The following BRINP1 variants were observed in gnomAD, a reference collection of about 807,000 sequenced individuals.
The protein encoded by BRINP1 is BMP/retinoic acid-inducible neural-specific protein 1.
A neutral mutation model predicts 72.9 loss-of-function variants in BRINP1; 17 were observed. The ratio of observed to expected loss-of-function variants is 0.23; its 90% CI spans 0.16 to 0.35. The LOEUF is 0.35. Ranked by LOEUF, BRINP1 falls within the 10% of genes least tolerant of loss-of-function variation. BRINP1 has a pLI of 1.00. For missense variants in BRINP1, 850 were observed against 1,001.6 expected (o/e 0.85, Z 2.04); for synonymous variants, 418 against 378.5 (o/e 1.10, Z -1.21).
chr9:119,217,675 C>T (rs1588167530), intron 5 of BRINP1, among the ~76,000 whole-genome samples: 3 of 152,262 alleles, frequency 2.0e-5, no homozygotes, highest in Admixed American at 2.0e-4. Context: ...AATTCACCTT[C>T]GACAGGTGCA....
At chr9:119,350,174 G>C (rs1831492499) in intron 1 of BRINP1, among the ~76,000 whole-genome samples, 1 of 152,188 alleles carries the variant, frequency 6.6e-6, no homozygotes, top group African/African-American at 2.4e-5. Flanking sequence ...ACACACACCA[G>C]CATCTGGGAA....
intron 2 of BRINP1, among the ~76,000 whole-genome samples, chr9:119,295,811 G>A (rs1830871140): frequency 6.6e-6 from 1 of 152,134 alleles, no homozygotes; most frequent in South Asian, 2.1e-4. Flanking sequence ...TTCAATAAAT[G>A]TTGTTAGAAA....
At chr9:119,281,022 A>T (rs993904228) in intron 2 of BRINP1, among the ~76,000 whole-genome samples, 3 of 152,070 alleles carry the variant, frequency 2.0e-5, no homozygotes, top group Admixed American at 6.6e-5. Flanking sequence ...CACCACCCAG[A>T]GGTACAGGAA....
At chr9:119,216,937 C>T (rs1270330502) in intron 5 of BRINP1, among the ~76,000 whole-genome samples, 2 of 152,176 alleles carry the variant, frequency 1.3e-5, no homozygotes, top group Non-Finnish European at 2.9e-5. Flanking sequence ...AAACTGGCTG[C>T]TCTTTAAAAA....
intron 1 of BRINP1, among the ~76,000 whole-genome samples, chr9:119,348,614 C>T (rs898061586): frequency 6.6e-6 from 1 of 152,124 alleles, no homozygotes; most frequent in Non-Finnish European, 1.5e-5. Context: ...GGTCACTGTT[C>T]TCGATTTGGG....
At chr9:119,288,213 G>T (rs1410202044) in intron 2 of BRINP1, among the ~76,000 whole-genome samples, 1 of 152,138 alleles carries the variant, frequency 6.6e-6, no homozygotes, top group Non-Finnish European at 1.5e-5. Context: ...ATTCATTTAA[G>T]GAGGACATAT....
chr9:119,333,609 G>A (rs1293388257), intron 1 of BRINP1, among the ~76,000 whole-genome samples: 1 of 151,968 alleles, frequency 6.6e-6, no homozygotes, highest in African/African-American at 2.4e-5. Flanking sequence ...TTATTTTAAT[G>A]CATTTGTGGG....
intron 7 of BRINP1, among the ~76,000 whole-genome samples, chr9:119,187,370 A>G (rs1426910612): frequency 3.9e-5 from 6 of 151,988 alleles, no homozygotes; most frequent in African/African-American, 1.2e-4. Context: ...CTTGTTGCCA[A>G]TAACCTTAAC....
At chr9:119,192,920 C>T (rs1446228044) in intron 7 of BRINP1, among the ~76,000 whole-genome samples, 2 of 152,028 alleles carry the variant, frequency 1.3e-5, no homozygotes, top group Non-Finnish European at 2.9e-5. Flanking sequence ...TGGGAACTGG[C>T]TCCTCAACCC....
intron 2 of BRINP1, among the ~76,000 whole-genome samples, chr9:119,275,601 T>C (rs1830648822): frequency 6.6e-6 from 1 of 152,184 alleles, no homozygotes; most frequent in Non-Finnish European, 1.5e-5. Context: ...GTAACTCCAA[T>C]GCAACATATT....
intron 6 of BRINP1, among the ~76,000 whole-genome samples, chr9:119,210,027 C>G (rs1416489912): frequency 6.6e-6 from 1 of 152,178 alleles, no homozygotes; most frequent in Non-Finnish European, 1.5e-5. Context: ...CTTGGCACAT[C>G]CATAGAAATT....
intron 7 of BRINP1, among the ~76,000 whole-genome samples, chr9:119,183,638 A>G (rs1829580915): frequency 6.6e-6 from 1 of 152,186 alleles, no homozygotes; most frequent in South Asian, 2.1e-4. Context: ...TTAGTAAAAT[A>G]TTTACCAAAA....
chr9:119,369,320 C>G lies in BRINP1; in HGVS notation c.-315G>C, dbSNP rs1471713890. 2.5e-6 allele frequency: 1 copy of G among 398,832 alleles called. No homozygotes were observed. Among genetic ancestry groups the G allele is most frequent in the Non-Finnish European group, 4.4e-6 (1 of 226,340 alleles). 24.7% of individuals were successfully genotyped at this position (398,832 alleles called of 1,614,324 possible). A position where few individuals can be genotyped will look rare whatever the true frequency, so the allele number is the denominator to read the frequency against. ...CCCGGCTCTCTCGCTCTCGCTCTCG[C>G]TGTTGCTCGCTCGCTCTCTCCCTCT... is the stretch of plus-strand genomic sequence containing the variant. On this transcript the variant is annotated 5_prime_UTR_variant, in exon 1 of 8. Transcript: ENST00000265922.
chr9:119,332,903 G>A (rs140449580), intron 1 of BRINP1, among the ~76,000 whole-genome samples: 98 of 152,206 alleles, frequency 6.4e-4, no homozygotes, highest in African/African-American at 1.0e-3. Flanking sequence ...ACAAGTTTAC[G>A]GTAATAGCTA....
chr9:119,261,709 G>A (rs1830496662), intron 2 of BRINP1, among the ~76,000 whole-genome samples: 1 of 152,034 alleles, frequency 6.6e-6, no homozygotes. Flanking sequence ...AAGCTCACAT[G>A]GTATTTTCCA....
intron 7 of BRINP1, among the ~76,000 whole-genome samples, chr9:119,172,186 A>G (rs1829420806): frequency 1.3e-5 from 2 of 152,218 alleles, no homozygotes. Context: ...AAGTTAATGA[A>G]TCCAGGAGCT....
At chr9:119,184,250 C>A in intron 7 of BRINP1, among the ~76,000 whole-genome samples, 1 of 152,074 alleles carries the variant, frequency 6.6e-6, no homozygotes, top group East Asian at 1.9e-4. Context: ...TTAAATACAC[C>A]CCGGACAGCA....
At chr9:119,360,802 C>T (rs1831621324) in intron 1 of BRINP1, among the ~76,000 whole-genome samples, 1 of 152,170 alleles carries the variant, frequency 6.6e-6, no homozygotes, top group African/African-American at 2.4e-5. Flanking sequence ...TAGAAACCTC[C>T]CAGGGCCAGT....
chr9:119,313,649 CT>C (rs1286282548), intron 1 of BRINP1, among the ~76,000 whole-genome samples: 1 of 152,088 alleles, frequency 6.6e-6, no homozygotes, highest in Non-Finnish European at 1.5e-5. Context: ...CACATATTGT[CT>C]GAACATGTAC....
Sources: allele counts gnomAD v4.1 joint callset (sites outside exome capture counted in the v4.1 genomes callset), GRCh38; gene constraint gnomAD v4.1.1; transcripts MANE v1.5; gene names NCBI Gene and HGNC (gene_info 2026-07-23, HGNC 2026-07-21).